Variants in CNTN4 observed in about 807,000 individuals in gnomAD.
CNTN4 encodes contactin-4.
A neutral mutation model predicts 122.5 loss-of-function variants in CNTN4; 77 were observed. That is an observed-to-expected ratio of 0.63 (90% CI 0.52 to 0.76). The LOEUF (loss-of-function observed/expected upper bound fraction) is 0.76, where lower values mean the gene tolerates loss of function less well. Among genes scored for constraint, CNTN4 ranks in the 30% least tolerant of loss-of-function variants. The pLI is 0.00. For synonymous variants in CNTN4, 512 were observed against 447.0 expected (o/e 1.15, Z -1.83); for missense variants, 1,256 against 1,259.1 (o/e 1.00, Z 0.04).
chr3:2,298,441 T>C (rs1187961960), intron 2 of CNTN4, among the ~76,000 whole-genome samples: 14 of 152,142 alleles, frequency 9.2e-5, no homozygotes, highest in Admixed American at 9.2e-4. Flanking sequence ...TTTCAGAAAA[T>C]AGTTTCCCAA....
intron 3 of CNTN4, among the ~76,000 whole-genome samples, chr3:2,388,935 A>C (rs371276537): frequency 1.3e-5 from 2 of 152,048 alleles, no homozygotes; most frequent in South Asian, 4.1e-4. Context: ...GGGTGGGTAG[A>C]TCACCTAAGG....
At position 2,133,608 on chromosome 3, in the gene CNTN4, G is replaced by A. The variant is rs185883978; in HGVS notation, c.-145+32969G>A. ...CTAGCTATACATAGATTTTATTTTG[G>A]GGAAAATTTTAGGTAGTAACATTAT... On this transcript the variant is annotated intron_variant, in intron 2 of 24. Transcript: ENST00000418658. 2.7e-3 allele frequency among the ~76,000 whole-genome samples: 406 copies of A among 151,992 alleles called. 3 individuals carry two copies. The highest frequency in any genetic ancestry group is 9.2e-3 in the African/African-American group (381 of 41,464).
intron 8 of CNTN4, among the ~76,000 whole-genome samples, chr3:2,872,648 G>T (rs1290044394): frequency 6.6e-6 from 1 of 152,078 alleles, no homozygotes; most frequent in Non-Finnish European, 1.5e-5. Flanking sequence ...GGAACAATGA[G>T]ATTATCCTAT....
At chr3:2,840,467 G>A (rs13066893) in intron 7 of CNTN4, among the ~76,000 whole-genome samples, 75,627 of 147,002 alleles carry the variant, frequency 0.51, 20,762 homozygotes, top group Non-Finnish European at 0.64. Context: ...TTGGGAGGCC[G>A]AGGCGGGCGG....
intron 2 of CNTN4, among the ~76,000 whole-genome samples, chr3:2,151,955 G>A (rs1378027223): frequency 6.6e-6 from 1 of 152,162 alleles, no homozygotes; most frequent in Non-Finnish European, 1.5e-5. Context: ...ACAGCAACAG[G>A]CTAAGACAAT....
chr3:2,955,354 T>A (rs1488430308), intron 13 of CNTN4, among the ~76,000 whole-genome samples: 2 of 152,158 alleles, frequency 1.3e-5, no homozygotes, highest in Non-Finnish European at 2.9e-5. Flanking sequence ...AGTCACGTGG[T>A]GTTTATTAGG....
intron 2 of CNTN4, among the ~76,000 whole-genome samples, chr3:2,120,107 C>G (rs1285161550): frequency 6.6e-6 from 1 of 151,536 alleles, no homozygotes; most frequent in East Asian, 2.0e-4. Context: ...TGACTCATAA[C>G]CTGATTTAAG....
chr3:3,044,481 C>A (rs1049506602), intron 23 of CNTN4, among the ~76,000 whole-genome samples: 6 of 152,216 alleles, frequency 3.9e-5, no homozygotes, highest in African/African-American at 1.4e-4. Flanking sequence ...AGTGATCATG[C>A]TCTCTATGAG....
At chr3:2,634,631 C>A (rs1173533750) in intron 4 of CNTN4, among the ~76,000 whole-genome samples, 1 of 150,406 alleles carries the variant, frequency 6.6e-6, no homozygotes, top group Non-Finnish European at 1.5e-5. Flanking sequence ...GAGATCGAGA[C>A]CATCCTGGCT....
chr3:2,342,859 G>C (rs2044260507), intron 3 of CNTN4, among the ~76,000 whole-genome samples: 1 of 152,134 alleles, frequency 6.6e-6, no homozygotes, highest in Non-Finnish European at 1.5e-5. Flanking sequence ...ACATGTATAA[G>C]AAATACCTAG....
chr3:2,135,404 G>C lies in CNTN4; in HGVS notation c.-145+34765G>C, dbSNP rs143027974. On this transcript the variant is annotated intron_variant, in intron 2 of 24. Coordinates refer to ENST00000418658, the MANE Select transcript of CNTN4 (RefSeq NM_175607.3). ...CCAATTTAACATCAGCTTTAAGATA[G>C]TAAATCTCTATTCTGTAAGATGTAA... Among the ~76,000 whole-genome samples the C allele has an allele frequency of 1.6e-4, 25 of 152,322 alleles. No individual in the cohort carries two copies. The East Asian group carries it at 4.4e-3, about 27-fold the overall frequency.
chr3:2,135,412 C>G (rs2034642442), intron 2 of CNTN4, among the ~76,000 whole-genome samples: 1 of 152,140 alleles, frequency 6.6e-6, no homozygotes, highest in Admixed American at 6.5e-5. Context: ...TAGTAAATCT[C>G]TATTCTGTAA....
At chr3:2,892,007 T>C (rs191805219) in intron 10 of CNTN4, among the ~76,000 whole-genome samples, 1 of 152,350 alleles carries the variant, frequency 6.6e-6, no homozygotes, top group East Asian at 1.9e-4. Context: ...ATTTTGGAGT[T>C]AGAGCCAATA....
chr3:2,761,171 C>T (rs779339348), intron 6 of CNTN4, among the ~76,000 whole-genome samples: 19 of 152,076 alleles, frequency 1.2e-4, no homozygotes, highest in Non-Finnish European at 2.4e-4. Flanking sequence ...TTTAAATGGG[C>T]GGTTTTTCTA....
At chr3:2,556,663 T>TAC (rs1354348358) in intron 3 of CNTN4, among the ~76,000 whole-genome samples, 3 of 152,004 alleles carry the variant, frequency 2.0e-5, no homozygotes, top group Non-Finnish European at 4.4e-5. Flanking sequence ...CACACAAACA[T>TAC]ATAAAAATCA....
chr3:2,947,846 G>A (rs145121831), intron 13 of CNTN4, among the ~76,000 whole-genome samples: 2,005 of 152,322 alleles, frequency 0.013, 66 homozygotes, highest in Admixed American at 0.054. Context: ...GTGCCTGGTA[G>A]ATAAAACGGA....
At position 2,806,041 on chromosome 3, in the gene CNTN4, A is replaced by G. The variant is rs113975207; in HGVS notation, c.359-13445A>G. 6.9e-3 allele frequency among the ~76,000 whole-genome samples: 1,043 copies of G among 152,180 alleles called. 5 individuals carry two copies. Among genetic ancestry groups the G allele is most frequent in the Non-Finnish European group, 0.011 (782 of 68,012 alleles). On this transcript the variant is annotated intron_variant, in intron 6 of 24. Coordinates refer to ENST00000418658, the MANE Select transcript of CNTN4 (RefSeq NM_175607.3). Reference sequence around the variant, plus strand: ...CTCAGCCTCCCGAGTAGCTGGGACTACAGGTGCCCACCAGCAGGCCTGGCT... The same window carrying G: ...CTCAGCCTCCCGAGTAGCTGGGACTGCAGGTGCCCACCAGCAGGCCTGGCT...
intron 13 of CNTN4, among the ~76,000 whole-genome samples, chr3:2,979,515 A>T (rs1386308851): frequency 6.6e-6 from 1 of 152,136 alleles, no homozygotes; most frequent in Non-Finnish European, 1.5e-5. Flanking sequence ...GTAATGTGTA[A>T]ATCTATTGTT....
chr3:3,028,347 A>T (rs1205862034), intron 15 of CNTN4, among the ~76,000 whole-genome samples: 2 of 152,192 alleles, frequency 1.3e-5, no homozygotes, highest in Non-Finnish European at 2.9e-5. Context: ...GGGTGACTTC[A>T]AAGGGAAAGA....
Sources: gnomAD v4.1 joint callset for allele counts (sites outside exome capture counted in the v4.1 genomes callset) on GRCh38, gnomAD v4.1.1 for gene constraint, MANE v1.5 for transcripts, NCBI Gene and HGNC (gene_info 2026-07-23, HGNC 2026-07-21) for gene names.